The following ADAT2 variants were observed in gnomAD, a reference collection of about 807,000 sequenced individuals.
ADAT2 encodes adenosine deaminase tRNA specific 2.
ADAT2 carries 26 observed loss-of-function variants against 25.9 expected under a neutral mutation model. The ratio of observed to expected loss-of-function variants is 1.00; its 90% CI spans 0.74 to 1.39. The LOEUF (loss-of-function observed/expected upper bound fraction) is 1.39, where lower values mean the gene tolerates loss of function less well. Ranked by LOEUF, ADAT2 falls within the 40% of genes most tolerant of loss-of-function variation. The pLI is 0.00. For missense variants in ADAT2, 220 were observed against 244.8 expected (o/e 0.90, Z 0.68); for synonymous variants, 76 against 86.8 (o/e 0.88, Z 0.69).
In ADAT2 at chr6:143,436,742, G is replaced by C. The variant is rs1183788126; in HGVS notation, c.201+1848C>G. ...CTGTTACTGGGTTAAGGGCGGGGGT[G>C]GTATGAATTCTTCATTTGCCCACAA... On this transcript the variant is annotated intron_variant, in intron 2 of 5. Coordinates refer to ENST00000237283, the MANE Select transcript of ADAT2 (RefSeq NM_182503.3). The surrounding 1 kb of genome is among the most constrained non-coding windows in gnomAD (Gnocchi z 4.1). 1 of 167,146 alleles carries C rather than the reference G, an allele frequency of 6.0e-6. No individual in the cohort carries two copies. Among genetic ancestry groups the C allele is most frequent in the Non-Finnish European group, 1.3e-5 (1 of 77,512 alleles). The allele number at this position is 167,146 out of a possible 1,614,324, so 10.4% of individuals were successfully genotyped here.
intron 4 of ADAT2, among the ~76,000 whole-genome samples, chr6:143,429,450 A>T (rs9496622): frequency 0.28 from 42,600 of 152,050 alleles, 6,204 homozygotes; most frequent in Admixed American, 0.32. Flanking sequence ...AATTGTGCTA[A>T]CAGTAAGGAG....
intron 1 of ADAT2, among the ~76,000 whole-genome samples, chr6:143,443,945 G>A (rs1433142834): frequency 1.3e-5 from 2 of 152,098 alleles, no homozygotes; most frequent in Admixed American, 6.5e-5. Context: ...CATTGGCTAT[G>A]TGGGCCATCT....
rs1188065940 is a variant in ADAT2 at position 143,432,468 on chromosome 6, T to C, written c.459+37A>G. ...CAAGCCCATAAAGAGATGAAAATAA[T>C]TAGCAAGAAAGAAAAAGCATAAGCA... On this transcript the variant is annotated intron_variant, in intron 4 of 5. Coordinates refer to ENST00000237283, the MANE Select transcript of ADAT2 (RefSeq NM_182503.3). This position sits in a 1 kb window ranked among gnomAD's most constrained non-coding sequence, Gnocchi z 4.4. 3.2e-6 allele frequency: 5 copies of C among 1,559,386 alleles called. No individual in the cohort carries two copies. The African/African-American group carries it at 6.8e-5, about 21-fold the overall frequency.
Position 143,440,739 on chromosome 6 carries a change from G to A in ADAT2, c.97-2045C>T, listed in dbSNP as rs191559389. ...TAGAGAAGAAAGCCAGGAAGAAGAC[G>A]GACAGTTAAGGAGAATGGAAATGCT... On this transcript the variant is annotated intron_variant, in intron 1 of 5. Transcript: ENST00000237283. The surrounding 1 kb of genome is among the most constrained non-coding windows in gnomAD (Gnocchi z 4.5). 1.1e-4 allele frequency among the ~76,000 whole-genome samples: 17 copies of A among 152,244 alleles called. No individual in the cohort carries two copies. Among genetic ancestry groups the A allele is most frequent in the Admixed American group, 5.2e-4 (8 of 15,292 alleles).
chr6:143,442,040 C>G lies in ADAT2; in HGVS notation c.97-3346G>C, dbSNP rs1267809383. The G allele has an allele frequency of 1.3e-5, 2 of 152,186 alleles. No individual in the cohort carries two copies. The highest frequency in any genetic ancestry group is 2.9e-5 in the Non-Finnish European group (2 of 68,028). The allele number at this position is 152,186 out of a possible 1,614,324, so 9.4% of individuals were successfully genotyped here. On this transcript the variant is annotated intron_variant, in intron 1 of 5. Coordinates refer to ENST00000237283, the MANE Select transcript of ADAT2 (RefSeq NM_182503.3). The surrounding 1 kb of genome is among the most constrained non-coding windows in gnomAD (Gnocchi z 4.6). Reference sequence around the variant, plus strand: ...GCATTTAACTTATGACCCAACAATTCCACTCTTGGGCATTTATCCCAGAGA... The same window carrying G: ...GCATTTAACTTATGACCCAACAATTGCACTCTTGGGCATTTATCCCAGAGA...
chr6:143,423,117 C>T lies in ADAT2; in HGVS notation c.*5346G>A, dbSNP rs1331525511. On this transcript the variant is annotated 3_prime_UTR_variant, in exon 6 of 6. Transcript: ENST00000237283. ...GCAGCTTCCAATCTCAGCCTTTTAC[C>T]TACTCTAGACCAGGGGCAGCTAACA... 6.6e-6 allele frequency: 1 copy of T among 152,206 alleles called. No individual in the cohort carries two copies. The highest frequency in any genetic ancestry group is 2.1e-4 in the South Asian group (1 of 4,826). The allele number at this position is 152,206 out of a possible 1,614,324, so 9.4% of individuals were successfully genotyped here. A position where few individuals can be genotyped will look rare whatever the true frequency, so the allele number is the denominator to read the frequency against.
chr6:143,447,795 G>A (rs766767470), intron 1 of ADAT2, among the ~76,000 whole-genome samples: 7 of 152,100 alleles, frequency 4.6e-5, no homozygotes. Context: ...TACACTGTTG[G>A]TGGGACTGTA....
rs1419525379 is a variant in ADAT2, at chr6:143,440,629, A to T, written c.97-1935T>A. On this transcript the variant is annotated intron_variant, in intron 1 of 5. Coordinates refer to ENST00000237283, the MANE Select transcript of ADAT2 (RefSeq NM_182503.3). The surrounding 1 kb of genome is among the most constrained non-coding windows in gnomAD (Gnocchi z 4.5). ...GTGTCCCAGTTCTGTGACAGTGGTT[A>T]AAGCATGTCCAGTTTATGCAAGTTC... Among the ~76,000 whole-genome samples, 2 of 152,212 alleles carry T rather than the reference A, an allele frequency of 1.3e-5. No homozygotes were observed. Among genetic ancestry groups the T allele is most frequent in the Admixed American group, 1.3e-4 (2 of 15,272 alleles).
Position 143,446,068 on chromosome 6 carries a change from AC to A in ADAT2, c.96+4494del, listed in dbSNP as rs1398796623. Among the ~76,000 whole-genome samples the A allele has an allele frequency of 2.0e-5, 3 of 149,444 alleles. No individual in the cohort carries two copies. Among genetic ancestry groups the A allele is most frequent in the African/African-American group, 5.0e-5 (2 of 40,324 alleles). On this transcript the variant is annotated intron_variant, in intron 1 of 5. Transcript: ENST00000237283. The surrounding 1 kb of genome is among the most constrained non-coding windows in gnomAD (Gnocchi z 5.0). ...AGAACTTAGCGATTAAAAAAAAAAA[AC>A]CTCATGTATCAAAAAAAAAAAACCC...
rs1779142555 is a variant in ADAT2 at position 143,432,441 on chromosome 6, C to T, written c.459+64G>A. 6.9e-7 allele frequency: 1 copy of T among 1,446,156 alleles called. No individual in the cohort carries two copies. Among genetic ancestry groups the T allele is most frequent in the East Asian group, 2.3e-5 (1 of 43,316 alleles). The allele number at this position is 1,446,156 out of a possible 1,614,324, so 89.6% of individuals were successfully genotyped here. On this transcript the variant is annotated intron_variant, in intron 4 of 5. Coordinates refer to ENST00000237283, the MANE Select transcript of ADAT2 (RefSeq NM_182503.3). The surrounding 1 kb of genome is among the most constrained non-coding windows in gnomAD (Gnocchi z 4.4). ...GTATACTGGCCACACACTAGTTATTCACAAGCCCATAAAGAGATGAAAATA... is the reference window on the plus strand; with the variant it reads ...GTATACTGGCCACACACTAGTTATTTACAAGCCCATAAAGAGATGAAAATA...
At position 143,440,660 on chromosome 6, in the gene ADAT2, G is replaced by A. The variant is rs1779433359; in HGVS notation, c.97-1966C>T. 6.6e-6 allele frequency among the ~76,000 whole-genome samples: 1 copy of A among 152,180 alleles called. No individual in the cohort carries two copies. The highest frequency in any genetic ancestry group is 2.4e-5 in the African/African-American group (1 of 41,452). Reference sequence around the variant, plus strand: ...TGTCCAGTTTATGCAAGTTCAAAAGGCTTGAAGAGTCCCGAGGTTTGGTTA... The same window carrying A: ...TGTCCAGTTTATGCAAGTTCAAAAGACTTGAAGAGTCCCGAGGTTTGGTTA... On this transcript the variant is annotated intron_variant, in intron 1 of 5. Transcript: ENST00000237283. The surrounding 1 kb of genome is among the most constrained non-coding windows in gnomAD (Gnocchi z 4.5).
Position 143,442,589 on chromosome 6 carries a change from T to C in ADAT2, c.97-3895A>G, listed in dbSNP as rs1462191841. Among the ~76,000 whole-genome samples, 1 of 152,132 alleles carries C rather than the reference T, an allele frequency of 6.6e-6. No homozygotes were observed. The highest frequency in any genetic ancestry group is 1.9e-4 in the East Asian group (1 of 5,204). ...TTTTCCTGGTTTTGATACTGAACTA[T>C]AGCTATGCAAGATGTTACCACTGAA... On this transcript the variant is annotated intron_variant, in intron 1 of 5. Coordinates refer to ENST00000237283, the MANE Select transcript of ADAT2 (RefSeq NM_182503.3). This position sits in a 1 kb window ranked among gnomAD's most constrained non-coding sequence, Gnocchi z 4.6.
chr6:143,438,468 C>T, intron 2 of ADAT2, 122 bp downstream of exon 2: 1 of 567,276 alleles, frequency 1.8e-6, no homozygotes, highest in South Asian at 3.5e-5. Flanking sequence ...TTAAGAAAAG[C>T]TACCCACCAC....
intron 2 of ADAT2, 82 bp downstream of exon 2, chr6:143,438,508 C>T (rs778357033): frequency 9.9e-6 from 11 of 1,105,976 alleles, no homozygotes; most frequent in Non-Finnish European, 1.5e-5. Flanking sequence ...TTCAGTCTCA[C>T]CTTCACACCA....
Position 143,446,899 on chromosome 6 carries a change from C to G in ADAT2, c.96+3664G>C, listed in dbSNP as rs1283512930. ...GAAAACACTGTGCATAGCATAGTAT[C>G]TGGAACACACCAAGAGTGCAACACT... On this transcript the variant is annotated intron_variant, in intron 1 of 5. Transcript: ENST00000237283. This position sits in a 1 kb window ranked among gnomAD's most constrained non-coding sequence, Gnocchi z 5.0. 6.6e-6 allele frequency among the ~76,000 whole-genome samples: 1 copy of G among 152,174 alleles called. No homozygotes were observed. Among genetic ancestry groups the G allele is most frequent in the Non-Finnish European group, 1.5e-5 (1 of 68,028 alleles).
chr6:143,444,349 G>A lies in ADAT2; in HGVS notation c.97-5655C>T, dbSNP rs889069355. On this transcript the variant is annotated intron_variant, in intron 1 of 5. Coordinates refer to ENST00000237283, the MANE Select transcript of ADAT2 (RefSeq NM_182503.3). The surrounding 1 kb of genome is among the most constrained non-coding windows in gnomAD (Gnocchi z 4.3). ...TAAGCAACTGGAATGGTAGGCAGGG[G>A]AGGGGGCGGTGAGAATAACACAAAG... is the stretch of plus-strand genomic sequence containing the variant. 9.8e-5 allele frequency among the ~76,000 whole-genome samples: 15 copies of A among 152,308 alleles called. No homozygotes were observed. The highest frequency in any genetic ancestry group is 3.1e-4 in the African/African-American group (13 of 41,558).
intron 4 of ADAT2, among the ~76,000 whole-genome samples, chr6:143,430,117 C>T (rs777773090): frequency 6.6e-6 from 1 of 152,208 alleles, no homozygotes; most frequent in Non-Finnish European, 1.5e-5. Context: ...CCGCTCTTGC[C>T]TCCCTTGGCT....
In ADAT2 at chr6:143,432,416, G is replaced by C; in HGVS notation, c.459+89C>G. On this transcript the variant is annotated intron_variant, in intron 4 of 5. Transcript: ENST00000237283. The surrounding 1 kb of genome is among the most constrained non-coding windows in gnomAD (Gnocchi z 4.4). ...TGTCTGATTCTATCATCGTTTCTTCGTATACTGGCCACACACTAGTTATTC... is the reference window on the plus strand; with the variant it reads ...TGTCTGATTCTATCATCGTTTCTTCCTATACTGGCCACACACTAGTTATTC... 4 of 1,195,636 alleles carry C rather than the reference G, an allele frequency of 3.3e-6. No homozygotes were observed. The allele number at this position is 1,195,636 out of a possible 1,614,324, so 74.1% of individuals were successfully genotyped here. A position where few individuals can be genotyped will look rare whatever the true frequency, so the allele number is the denominator to read the frequency against.
rs1413400676 is a variant in ADAT2, at chr6:143,425,086, A to C, written c.*3377T>G. On this transcript the variant is annotated 3_prime_UTR_variant, in exon 6 of 6. Transcript: ENST00000237283. ...ATCTAATCACAAGAAAATATCAAAT[A>C]AATTTAAAACAAGGACCATTCTATT... The C allele has an allele frequency of 7.2e-5, 11 of 152,208 alleles. No individual in the cohort carries two copies. In the South Asian group the frequency reaches 2.1e-3, roughly 29 times the overall value. 9.4% of individuals were successfully genotyped at this position (152,208 alleles called of 1,614,324 possible).
Sources: gnomAD v4.1 joint callset for allele counts (sites outside exome capture counted in the v4.1 genomes callset) on GRCh38, gnomAD v4.1.1 for gene constraint, Gnocchi (gnomAD v3.1) non-coding constraint, MANE v1.5 for transcripts, NCBI Gene and HGNC (gene_info 2026-07-23, HGNC 2026-07-21) for gene names.